The following STK3 variants were observed in gnomAD, a reference collection of about 807,000 sequenced individuals.
The protein encoded by STK3 is serine/threonine-protein kinase 3.
In STK3, 41 loss-of-function variants were observed where a neutral mutation model predicts 58.0. That is an observed-to-expected ratio of 0.71 (90% CI 0.55 to 0.92). STK3 has a LOEUF of 0.92. Among genes scored for constraint, STK3 ranks in the 40% least tolerant of loss-of-function variants. The pLI is 0.00. For synonymous variants in STK3, 170 were observed against 191.0 expected (o/e 0.89, Z 0.91); for missense variants, 479 against 602.7 (o/e 0.79, Z 2.15).
chr8:98,431,731 G>A (rs1302316555), intron 3 of STK3: 1 of 167,128 alleles, frequency 6.0e-6, no homozygotes, highest in African/African-American at 2.4e-5. Flanking sequence ...ACCCTTTGCA[G>A]ATGTGAAAGC....
At chr8:98,779,201 G>C (rs1190964892) in intron 1 of STK3, among the ~76,000 whole-genome samples, 10 of 151,830 alleles carry the variant, frequency 6.6e-5, no homozygotes, top group Admixed American at 6.6e-4. Context: ...AGCATCATAG[G>C]TGAAAACTAA....
At chr8:98,699,634 C>A (rs1825359247) in intron 6 of STK3, among the ~76,000 whole-genome samples, 1 of 152,268 alleles carries the variant, frequency 6.6e-6, no homozygotes, top group Non-Finnish European at 1.5e-5. Context: ...CCACTCCAGA[C>A]TCGGTTTGCC....
intron 4 of STK3, among the ~76,000 whole-genome samples, chr8:98,728,275 T>C (rs536410966): frequency 1.4e-4 from 22 of 152,174 alleles, no homozygotes; most frequent in African/African-American, 1.9e-4. Flanking sequence ...AAAAAAGTTA[T>C]GGAATTTGTC....
chr8:98,557,943 G>A (rs899153281), intron 8 of STK3, among the ~76,000 whole-genome samples: 6 of 152,068 alleles, frequency 3.9e-5, no homozygotes, highest in African/African-American at 1.2e-4. Flanking sequence ...GGACTTCAGA[G>A]GCTCCATGAT....
intron 3 of STK3, among the ~76,000 whole-genome samples, chr8:98,425,483 G>C (rs533878000): frequency 6.6e-6 from 1 of 152,218 alleles, no homozygotes; most frequent in Non-Finnish European, 1.5e-5. Context: ...ACAAGAAAGA[G>C]GAAGTGTGTG....
chr8:98,684,779 G>A (rs79141232), intron 6 of STK3, among the ~76,000 whole-genome samples: 1 of 152,158 alleles, frequency 6.6e-6, no homozygotes, highest in East Asian at 1.9e-4. Context: ...ACCTGGTTCA[G>A]TAATTATTGC....
chr8:98,404,457 G>A (rs1188435868), intron 3 of STK3, among the ~76,000 whole-genome samples: 1 of 152,124 alleles, frequency 6.6e-6, no homozygotes, highest in African/African-American at 2.4e-5. Flanking sequence ...GAGACGGGTG[G>A]ATCACGAGGT....
chr8:98,396,547 G>A (rs1257475931), downstream of STK3, among the ~76,000 whole-genome samples: 1 of 152,230 alleles, frequency 6.6e-6, no homozygotes, highest in Non-Finnish European at 1.5e-5. Context: ...CCCTGGTGAA[G>A]GGCCTCTGCC....
chr8:98,472,403 A>ACAC (rs979389070), intron 10 of STK3, among the ~76,000 whole-genome samples: 5 of 152,200 alleles, frequency 3.3e-5, no homozygotes, highest in African/African-American at 1.2e-4. Context: ...TTACTCACAT[A>ACAC]CACCTTATGG....
chr8:98,483,393 C>T (rs948243416), intron 10 of STK3, among the ~76,000 whole-genome samples: 3 of 152,170 alleles, frequency 2.0e-5, no homozygotes, highest in Non-Finnish European at 4.4e-5. Flanking sequence ...TGATTTTTTA[C>T]ACCAGATTAG....
At chr8:98,726,633 A>T (rs1413811528) in intron 4 of STK3, among the ~76,000 whole-genome samples, 1 of 152,218 alleles carries the variant, frequency 6.6e-6, no homozygotes, top group African/African-American at 2.4e-5. Context: ...TACAGCACTG[A>T]TCATTAGTAC....
At chr8:98,362,525 G>A in the STK3 span, among the ~76,000 whole-genome samples, 28 of 152,294 alleles carry the variant, frequency 1.8e-4, no homozygotes, top group African/African-American at 6.5e-4. Context: ...CAGGGTGATG[G>A]GCGATACTGT....
intron 6 of STK3, among the ~76,000 whole-genome samples, chr8:98,661,563 A>T (rs369032910): frequency 1.2e-3 from 180 of 152,168 alleles, no homozygotes; most frequent in African/African-American, 4.1e-3. Flanking sequence ...CATAACAACA[A>T]CAACAAAAAT....
intron 4 of STK3, among the ~76,000 whole-genome samples, chr8:98,727,088 AT>A (rs1435471472): frequency 6.6e-6 from 1 of 152,114 alleles, no homozygotes; most frequent in African/African-American, 2.4e-5. Flanking sequence ...CTACTTCTCC[AT>A]TCTCAGACCA....
intron 7 of STK3, among the ~76,000 whole-genome samples, chr8:98,589,132 T>A (rs1308937459): frequency 2.6e-5 from 4 of 152,232 alleles, no homozygotes; most frequent in African/African-American, 9.6e-5. Flanking sequence ...TTTGTTCCGT[T>A]GCTGGTGAGG....
chr8:98,650,801 T>A (rs1215237011), intron 6 of STK3, among the ~76,000 whole-genome samples: 1 of 152,134 alleles, frequency 6.6e-6, no homozygotes, highest in Non-Finnish European at 1.5e-5. Flanking sequence ...GCGCCTGCCA[T>A]TGCCCAGGCT....
At chr8:98,400,943 C>T (rs968773569), downstream of STK3, among the ~76,000 whole-genome samples, 3 of 152,104 alleles carry the variant, frequency 2.0e-5, no homozygotes, top group Non-Finnish European at 4.4e-5. Flanking sequence ...CTTTGCAATT[C>T]CTCCATCGAG....
At chr8:98,533,393 CAT>C (rs1389135923) in intron 9 of STK3, among the ~76,000 whole-genome samples, 2 of 152,060 alleles carry the variant, frequency 1.3e-5, no homozygotes, top group African/African-American at 2.4e-5. Flanking sequence ...ACAATGTAAA[CAT>C]GTGAATAATA....
chr8:98,874,949 C>A (rs747370130), intron 3 of STK3, among the ~76,000 whole-genome samples: 86 of 152,052 alleles, frequency 5.7e-4, no homozygotes, highest in Non-Finnish European at 1.1e-3. Context: ...TAAATATATT[C>A]AGTAAATTAA....
Sources: gnomAD v4.1 joint callset for allele counts (sites outside exome capture counted in the v4.1 genomes callset) on GRCh38, gnomAD v4.1.1 for gene constraint, MANE v1.5 for transcripts, NCBI Gene and HGNC (gene_info 2026-07-23, HGNC 2026-07-21) for gene names.